Variants in EEFSEC observed in about 807,000 individuals in gnomAD.
EEFSEC encodes the protein selenocysteine-specific elongation factor.
Under a neutral mutation model 42.1 loss-of-function variants are expected in EEFSEC, and 43 were observed. The observed-to-expected ratio is 1.02, with a 90% CI of 0.80 to 1.32. The LOEUF (loss-of-function observed/expected upper bound fraction) is 1.32. Among genes scored for constraint, EEFSEC ranks in the 40% most tolerant of loss-of-function variants. EEFSEC has a pLI of 0.00. For synonymous variants in EEFSEC, 354 were observed against 339.1 expected (o/e 1.04, Z -0.48); for missense variants, 745 against 803.6 (o/e 0.93, Z 0.88).
chr3:128,282,306 G>C (rs530249073), intron 4 of EEFSEC, among the ~76,000 whole-genome samples: 1 of 152,200 alleles, frequency 6.6e-6, no homozygotes, highest in Non-Finnish European at 1.5e-5. Context: ...TGCCGGCCTC[G>C]GTTCACAGGG....
intron 6 of EEFSEC, among the ~76,000 whole-genome samples, chr3:128,377,281 A>G (rs2067720914): frequency 6.7e-6 from 1 of 150,038 alleles, no homozygotes; most frequent in African/African-American, 2.5e-5. Flanking sequence ...TTACTGTTTT[A>G]CTCTGTGGTC....
intron 4 of EEFSEC, among the ~76,000 whole-genome samples, chr3:128,321,105 G>A (rs574350121): frequency 6.6e-6 from 1 of 152,312 alleles, no homozygotes; most frequent in African/African-American, 2.4e-5. Flanking sequence ...GGCAGCCTTG[G>A]AAGGCTGCTG....
chr3:128,350,981 A>C (rs1328352880), intron 5 of EEFSEC, among the ~76,000 whole-genome samples: 2 of 152,146 alleles, frequency 1.3e-5, no homozygotes, highest in Non-Finnish European at 2.9e-5. Context: ...GTGGCTTTCA[A>C]GTGGCCTAGA....
At chr3:128,394,765 C>T (rs1576699957) in intron 6 of EEFSEC, among the ~76,000 whole-genome samples, 1 of 152,150 alleles carries the variant, frequency 6.6e-6, no homozygotes, top group Non-Finnish European at 1.5e-5. Context: ...GGGGCCCATC[C>T]TTGCCTCTGG....
chr3:128,264,992 C>T (rs1327865663), intron 4 of EEFSEC, among the ~76,000 whole-genome samples: 2 of 152,176 alleles, frequency 1.3e-5, no homozygotes, highest in Non-Finnish European at 2.9e-5. Context: ...CCCTAATTCT[C>T]ATAGCGCCTG....
chr3:128,287,315 G>T (rs2066596187), intron 4 of EEFSEC, among the ~76,000 whole-genome samples: 1 of 152,156 alleles, frequency 6.6e-6, no homozygotes, highest in African/African-American at 2.4e-5. Context: ...GGCTTGTGCA[G>T]CCATGGGGGG....
chr3:128,250,801 A>G (rs2066177010), intron 2 of EEFSEC, among the ~76,000 whole-genome samples: 1 of 152,002 alleles, frequency 6.6e-6, no homozygotes, highest in South Asian at 2.1e-4. Flanking sequence ...TAGGTATTGC[A>G]TTGAATCTGT....
At chr3:128,390,383 G>A (rs757793967) in intron 6 of EEFSEC, among the ~76,000 whole-genome samples, 3 of 152,392 alleles carry the variant, frequency 2.0e-5, no homozygotes, top group Admixed American at 2.0e-4. Flanking sequence ...AGGGGTGCAT[G>A]TGGGGAAGGG....
At chr3:128,394,526 T>C (rs2067957215) in intron 6 of EEFSEC, among the ~76,000 whole-genome samples, 1 of 152,222 alleles carries the variant, frequency 6.6e-6, no homozygotes. Flanking sequence ...AAGACTTTTA[T>C]TGTCAATAAG....
At position 128,231,248 on chromosome 3, in the gene EEFSEC, G is replaced by T. The variant is rs528512357; in HGVS notation, c.317-15588G>T. ...GAGACCTTGATAATTGGTAGCCATT[G>T]TTATGAATGATGAGGCTTTCCACTC... On this transcript the variant is annotated intron_variant, in intron 1 of 6. Transcript: ENST00000254730. 2.0e-5 allele frequency among the ~76,000 whole-genome samples: 3 copies of T among 152,334 alleles called. No homozygotes were observed. In the South Asian group the frequency reaches 6.2e-4, roughly 32 times the overall value.
At chr3:128,184,339 C>T (rs1187294020) in intron 1 of EEFSEC, among the ~76,000 whole-genome samples, 1 of 152,200 alleles carries the variant, frequency 6.6e-6, no homozygotes, top group African/African-American at 2.4e-5. Flanking sequence ...CACACTTACT[C>T]CTTATTTCCC....
intron 3 of EEFSEC, among the ~76,000 whole-genome samples, 175 bp from the exon 4 acceptor site, chr3:128,264,442 C>G (rs2066330469): frequency 6.6e-6 from 1 of 152,162 alleles, no homozygotes; most frequent in Admixed American, 6.5e-5. Context: ...GGAATGCAGT[C>G]AGGGAGTTAG....
intron 6 of EEFSEC, among the ~76,000 whole-genome samples, chr3:128,397,523 G>T (rs1193130218): frequency 6.6e-6 from 1 of 152,246 alleles, no homozygotes; most frequent in Non-Finnish European, 1.5e-5. Flanking sequence ...GCAGCAGAGG[G>T]GACCTCTGGC....
rs1394532320 is a variant in EEFSEC, at chr3:128,317,037, C to G, written c.787-24196C>G. Among the ~76,000 whole-genome samples, 1 of 152,202 alleles carries G rather than the reference C, an allele frequency of 6.6e-6. No individual in the cohort carries two copies. Among genetic ancestry groups the G allele is most frequent in the Non-Finnish European group, 1.5e-5 (1 of 68,032 alleles). The stretch of plus-strand genomic sequence containing the variant: ...ATTTAGTTTAACTTTATAAGTTGCT[C>G]TCTTTTGATGTGCAAGAGCACATCT... On this transcript the variant is annotated intron_variant, in intron 4 of 6. Coordinates refer to ENST00000254730, the MANE Select transcript of EEFSEC (RefSeq NM_021937.5). The surrounding 1 kb of genome is among the most constrained non-coding windows in gnomAD (Gnocchi z 4.1).
At chr3:128,175,805 A>T (rs1263667130) in intron 1 of EEFSEC, among the ~76,000 whole-genome samples, 1 of 152,240 alleles carries the variant, frequency 6.6e-6, no homozygotes, top group Admixed American at 6.5e-5. Flanking sequence ...GGTAGGCCTC[A>T]GCGTGGGGCC....
intron 6 of EEFSEC, among the ~76,000 whole-genome samples, chr3:128,394,889 C>T (rs538055511): frequency 4.6e-5 from 7 of 152,312 alleles, no homozygotes; most frequent in East Asian, 1.9e-4. Flanking sequence ...CATCCTGGCC[C>T]GGCCTCTGCA....
chr3:128,357,489 C>A (rs2067468724), intron 5 of EEFSEC, among the ~76,000 whole-genome samples: 1 of 152,208 alleles, frequency 6.6e-6, no homozygotes, highest in South Asian at 2.1e-4. Context: ...TCTGCCTGGA[C>A]TGAGGGAGGG....
intron 1 of EEFSEC, among the ~76,000 whole-genome samples, chr3:128,160,451 C>T (rs757391989): frequency 2.0e-5 from 3 of 152,220 alleles, no homozygotes; most frequent in Non-Finnish European, 2.9e-5. Flanking sequence ...AGAGAATGGC[C>T]CTTAGTGTAG....
intron 1 of EEFSEC, among the ~76,000 whole-genome samples, chr3:128,176,657 T>C (rs151184753): frequency 6.6e-6 from 1 of 152,296 alleles, no homozygotes; most frequent in East Asian, 1.9e-4. Context: ...GCAAACATGG[T>C]ATAATTGAAA....
Sources: allele counts gnomAD v4.1 joint callset (sites outside exome capture counted in the v4.1 genomes callset), GRCh38; gene constraint gnomAD v4.1.1; non-coding constraint Gnocchi (gnomAD v3.1); transcripts MANE v1.5; gene names NCBI Gene and HGNC (gene_info 2026-07-23, HGNC 2026-07-21).